Variants in PPP6R3 observed in about 807,000 individuals in gnomAD.
PPP6R3 encodes the protein protein phosphatase 6 regulatory subunit 3.
Under a neutral mutation model 110.7 loss-of-function variants are expected in PPP6R3, and 38 were observed. That is an observed-to-expected ratio of 0.34 (90% CI 0.26 to 0.45). The LOEUF (loss-of-function observed/expected upper bound fraction) is 0.45, where lower values mean the gene tolerates loss of function less well. Among genes scored for constraint, PPP6R3 ranks in the 20% least tolerant of loss-of-function variants. The probability of loss-of-function intolerance (pLI) is 1.00; values close to 1 mark genes in which losing one functional copy is unlikely to be tolerated. For synonymous variants in PPP6R3, 369 were observed against 373.5 expected (o/e 0.99, Z 0.14); for missense variants, 870 against 1,062.4 (o/e 0.82, Z 2.52).
intron 1 of PPP6R3, among the ~76,000 whole-genome samples, chr11:68,506,097 G>A (rs774257527): frequency 2.0e-5 from 3 of 147,902 alleles, no homozygotes; most frequent in Non-Finnish European, 4.5e-5. Flanking sequence ...TTAGGTTGGT[G>A]CAAAAGTAAT....
Position 68,601,930 on chromosome 11 carries a change from C to T in PPP6R3, c.2260C>T (p.Leu754=), listed in dbSNP as rs761850359. The change falls in exon 21 of 24, where the codon CTG becomes TTG. Residue 754 remains leucine, a synonymous_variant. Coordinates refer to ENST00000393800, the MANE Select transcript of PPP6R3 (RefSeq NM_001164161.2). ...METSTEPMDP[L]TPSAAALAVQ... Reference sequence around the variant, plus strand: ...AACCAGCACTGAACCCATGGACCCTCTGACTCCCAGTGCGGCTGCCCTGGC... The same window carrying T: ...AACCAGCACTGAACCCATGGACCCTTTGACTCCCAGTGCGGCTGCCCTGGC... 7.4e-6 allele frequency: 12 copies of T among 1,613,396 alleles called. No homozygotes were observed. The highest frequency in any genetic ancestry group is 1.1e-5 in the South Asian group (1 of 90,842).
chr11:68,566,391 T>C (rs2099470256), intron 9 of PPP6R3, among the ~76,000 whole-genome samples: 2 of 151,848 alleles, frequency 1.3e-5, no homozygotes, highest in South Asian at 4.2e-4. Flanking sequence ...AGACAGTGTC[T>C]CACTCTTGCT....
chr11:68,525,068 G>A (rs529914036), intron 2 of PPP6R3, among the ~76,000 whole-genome samples: 11 of 152,356 alleles, frequency 7.2e-5, no homozygotes, highest in Admixed American at 6.5e-4. Context: ...ACTAGGAAAA[G>A]TGCACACTTT....
rs1295230743 is a variant in PPP6R3 at position 68,615,265 on chromosome 11, A to G, written c.*2148A>G. 2.8e-6 allele frequency: 1 copy of G among 362,816 alleles called. No homozygotes were observed. The highest frequency in any genetic ancestry group is 5.4e-6 in the Non-Finnish European group (1 of 184,100). 22.5% of individuals were successfully genotyped at this position (362,816 alleles called of 1,614,324 possible). ...TTGGCCATACTGAATTATGAGACTA[A>G]CAGATGTCTACAATACAATACCTGT... On this transcript the variant is annotated 3_prime_UTR_variant, in exon 24 of 24. Coordinates refer to ENST00000393800, the MANE Select transcript of PPP6R3 (RefSeq NM_001164161.2).
chr11:68,610,779 T>A (rs577265532), intron 23 of PPP6R3, among the ~76,000 whole-genome samples: 9 of 152,272 alleles, frequency 5.9e-5, no homozygotes, highest in African/African-American at 2.2e-4. Context: ...TAGCTAAGAT[T>A]GTATATTCCT....
At chr11:68,578,079 G>A (rs2099539023) in intron 14 of PPP6R3, among the ~76,000 whole-genome samples, 1 of 152,096 alleles carries the variant, frequency 6.6e-6, no homozygotes, top group Non-Finnish European at 1.5e-5. Context: ...CCTTCTGATA[G>A]GGAGTTTTGC....
At chr11:68,603,955 C>T (rs1034824021) in intron 22 of PPP6R3, among the ~76,000 whole-genome samples, 5 of 152,196 alleles carry the variant, frequency 3.3e-5, no homozygotes, top group African/African-American at 1.2e-4. Flanking sequence ...TAGAAATTCA[C>T]TTCTAAACTC....
chr11:68,518,675 G>A (rs2099148954), intron 1 of PPP6R3, among the ~76,000 whole-genome samples: 2 of 151,986 alleles, frequency 1.3e-5, no homozygotes, highest in Non-Finnish European at 2.9e-5. Flanking sequence ...TTTGCACCGA[G>A]GCCTGTTACT....
chr11:68,548,356 G>A, intron 5 of PPP6R3, 152 bp downstream of exon 5: 1 of 1,043,088 alleles, frequency 9.6e-7, no homozygotes, highest in Non-Finnish European at 1.4e-6. Flanking sequence ...AAGAAAGGTT[G>A]TTCCAAGATA....
At chr11:68,475,326 G>A (rs1011336195) in intron 1 of PPP6R3, among the ~76,000 whole-genome samples, 1 of 152,100 alleles carries the variant, frequency 6.6e-6, no homozygotes, top group Non-Finnish European at 1.5e-5. Context: ...TCTACACAGA[G>A]ACAGCAACAA....
intron 1 of PPP6R3, among the ~76,000 whole-genome samples, chr11:68,475,061 G>T (rs537689895): frequency 6.6e-6 from 1 of 152,048 alleles, no homozygotes; most frequent in African/African-American, 2.4e-5. Context: ...AGGACCCTGC[G>T]GCCCTCTGCA....
At chr11:68,478,795 C>G (rs894993166) in intron 1 of PPP6R3, among the ~76,000 whole-genome samples, 1 of 151,372 alleles carries the variant, frequency 6.6e-6, no homozygotes, top group Non-Finnish European at 1.5e-5. Context: ...GTAGCTGGGA[C>G]TACAGGCATG....
intron 2 of PPP6R3, among the ~76,000 whole-genome samples, chr11:68,522,010 A>G (rs2099166528): frequency 2.0e-5 from 3 of 152,212 alleles, no homozygotes; most frequent in African/African-American, 7.2e-5. Flanking sequence ...ACAGGTAGGT[A>G]CTCCCACATT....
At chr11:68,551,529 G>T (rs1249109728) in intron 6 of PPP6R3, among the ~76,000 whole-genome samples, 3 of 151,640 alleles carry the variant, frequency 2.0e-5, no homozygotes, top group African/African-American at 7.3e-5. Context: ...TCCCTCTGTC[G>T]CCTAGGCTGG....
At chr11:68,537,384 A>G (rs2099276438) in intron 2 of PPP6R3, among the ~76,000 whole-genome samples, 1 of 152,176 alleles carries the variant, frequency 6.6e-6, no homozygotes, top group African/African-American at 2.4e-5. Flanking sequence ...AATAGTATGG[A>G]TGAATTACTT....
chr11:68,559,682 G>C (rs561496397), intron 8 of PPP6R3, among the ~76,000 whole-genome samples: 3 of 152,318 alleles, frequency 2.0e-5, no homozygotes, highest in Admixed American at 2.0e-4. Flanking sequence ...CTTCAAGTAT[G>C]TTGTAGTTTG....
chr11:68,468,637 C>T (rs534888939), intron 1 of PPP6R3, among the ~76,000 whole-genome samples: 2 of 152,358 alleles, frequency 1.3e-5, no homozygotes, highest in South Asian at 4.1e-4. Context: ...TAACCAGCTG[C>T]TCTGCGGAAG....
rs574330296 is a variant in PPP6R3 at position 68,486,377 on chromosome 11, G to A, written c.-158+25550G>A. ...TCCCAGCACTTTGGGAGGCCGAGGCGGGTGGATCACAAGTTCAGGAGATCA... is the reference window on the plus strand; with the variant it reads ...TCCCAGCACTTTGGGAGGCCGAGGCAGGTGGATCACAAGTTCAGGAGATCA... On this transcript the variant is annotated intron_variant, in intron 1 of 23. Transcript: ENST00000393800. Among the ~76,000 whole-genome samples, 447 of 151,984 alleles carry A rather than the reference G, an allele frequency of 2.9e-3. 2 individuals carry two copies. The highest frequency in any genetic ancestry group is 9.7e-3 in the African/African-American group (403 of 41,484).
chr11:68,481,264 T>C (rs1251654141), intron 1 of PPP6R3, among the ~76,000 whole-genome samples: 1 of 152,158 alleles, frequency 6.6e-6, no homozygotes, highest in African/African-American at 2.4e-5. Flanking sequence ...CTGGAGTTCA[T>C]TTTGTGACAC....
Sources: gnomAD v4.1 joint callset for allele counts (sites outside exome capture counted in the v4.1 genomes callset) on GRCh38, gnomAD v4.1.1 for gene constraint, MANE v1.5 for transcripts, NCBI Gene and HGNC (gene_info 2026-07-23, HGNC 2026-07-21) for gene names.